Variants in PALLD observed in about 807,000 individuals in gnomAD.
The protein encoded by PALLD is palladin, cytoskeletal associated protein.
In PALLD, 61 loss-of-function variants were observed where a neutral mutation model predicts 123.5. That is an observed-to-expected ratio of 0.49 (90% CI 0.40 to 0.61). The LOEUF is 0.61. Among genes scored for constraint, PALLD ranks in the 20% least tolerant of loss-of-function variants. The pLI is 0.00. For synonymous variants in PALLD, 465 were observed against 496.4 expected (o/e 0.94, Z 0.84); for missense variants, 1,273 against 1,377.0 (o/e 0.92, Z 1.20).
chr4:168,818,469 G>A (rs1270413223), intron 10 of PALLD, among the ~76,000 whole-genome samples: 3 of 152,100 alleles, frequency 2.0e-5, no homozygotes, highest in Non-Finnish European at 4.4e-5. Context: ...ACGTGGCGGT[G>A]CACACCTGTA....
intron 6 of PALLD, among the ~76,000 whole-genome samples, chr4:168,689,832 TAG>T (rs1782452000): frequency 2.0e-5 from 3 of 151,964 alleles, no homozygotes; most frequent in African/African-American, 7.3e-5. Flanking sequence ...AGAAGGAGGG[TAG>T]AGAGAAGATA....
chr4:168,512,861 C>G (rs1762652661), intron 2 of PALLD, among the ~76,000 whole-genome samples: 2 of 151,908 alleles, frequency 1.3e-5, no homozygotes, highest in African/African-American at 4.8e-5. Flanking sequence ...TCAGATTAGC[C>G]CCCAATAACG....
At chr4:168,665,544 G>A (rs1013908813) in intron 2 of PALLD, among the ~76,000 whole-genome samples, 1 of 152,124 alleles carries the variant, frequency 6.6e-6, no homozygotes, top group Non-Finnish European at 1.5e-5. Flanking sequence ...GCCTGGGCGA[G>A]ACAGCGAGAC....
chr4:168,892,036 AATAGATTTGGTAAAATAT>A (rs981390599), intron 11 of PALLD, among the ~76,000 whole-genome samples: 1 of 152,254 alleles, frequency 6.6e-6, no homozygotes, highest in African/African-American at 2.4e-5. Context: ...AGAGTACCTA[AATAGATTTGGTAAAATAT>A]ATAGATAAGA....
chr4:168,765,511 C>T (rs1276661233), intron 10 of PALLD, among the ~76,000 whole-genome samples: 1 of 152,166 alleles, frequency 6.6e-6, no homozygotes, highest in Non-Finnish European at 1.5e-5. Flanking sequence ...GATATTACAT[C>T]CCACTGTCAC....
chr4:168,529,924 C>T (rs976667758), intron 2 of PALLD, among the ~76,000 whole-genome samples: 26 of 152,276 alleles, frequency 1.7e-4, no homozygotes, highest in Middle Eastern at 6.8e-3. Context: ...ACCCAGCCCC[C>T]GTACAATATG....
chr4:168,573,992 G>A (rs1486807541), intron 2 of PALLD, among the ~76,000 whole-genome samples: 2 of 149,860 alleles, frequency 1.3e-5, no homozygotes. Context: ...CTACATTTTT[G>A]GATGATCTGT....
chr4:168,806,990 C>T (rs1050531586), intron 10 of PALLD, among the ~76,000 whole-genome samples: 1 of 152,054 alleles, frequency 6.6e-6, no homozygotes, highest in African/African-American at 2.4e-5. Flanking sequence ...AACACGTGCC[C>T]GGAGCTGTGC....
At chr4:168,858,463 G>A (rs1283590224) in intron 10 of PALLD, among the ~76,000 whole-genome samples, 1 of 152,120 alleles carries the variant, frequency 6.6e-6, no homozygotes. Context: ...TCAAAAGATG[G>A]ATAACTAATA....
At chr4:168,713,930 G>C (rs1358775331) in intron 10 of PALLD, among the ~76,000 whole-genome samples, 1 of 137,776 alleles carries the variant, frequency 7.3e-6, no homozygotes, top group Non-Finnish European at 1.5e-5. Context: ...ACTTGTACTA[G>C]GTTTTCCCAT....
At chr4:168,718,185 C>T (rs540290020) in intron 10 of PALLD, among the ~76,000 whole-genome samples, 43 of 152,302 alleles carry the variant, frequency 2.8e-4, no homozygotes, top group Admixed American at 2.2e-3. Flanking sequence ...GTCCTTCAAC[C>T]TCTACTAGTT....
chr4:168,538,453 TA>T (rs900573796), intron 2 of PALLD, among the ~76,000 whole-genome samples: 74 of 151,450 alleles, frequency 4.9e-4, no homozygotes, highest in African/African-American at 1.8e-3. Flanking sequence ...TTAAATAAAA[TA>T]AAATAAAATA....
rs374250410 is a variant in PALLD, at chr4:168,894,611, A to G, written c.2133A>G (p.Arg711=). The G allele has an allele frequency of 2.5e-6, 4 of 1,613,430 alleles. No individual in the cohort carries two copies. The highest frequency in any genetic ancestry group is 2.2e-5 in the South Asian group (2 of 91,042). Residue 711 remains arginine (R), a synonymous_variant, in exon 12 of 22, where the codon CGA becomes CGG. Coordinates refer to ENST00000505667, the MANE Select transcript of PALLD (RefSeq NM_001166108.2). ...RLTYEERMAR[R]LLGADSATVF... is the part of the protein sequence containing the mutation. ...CATACGAAGAAAGAATGGCTCGTCG[A>G]CTGCTAGGTGCTGACAGTGCAACTG...
rs1487068611 is a variant in PALLD, at chr4:168,762,009, C to T, written c.1964+50086C>T. 4.6e-5 allele frequency among the ~76,000 whole-genome samples: 7 copies of T among 152,012 alleles called. No individual in the cohort carries two copies. In the South Asian group the frequency reaches 1.0e-3, roughly 23 times the overall value. ...ATTTATAAGGGAAGAAAAGAAAGGACGACAAGTCTATTTTTAGGGATCCAT... is the reference window on the plus strand; with the variant it reads ...ATTTATAAGGGAAGAAAAGAAAGGATGACAAGTCTATTTTTAGGGATCCAT... On this transcript the variant is annotated intron_variant, in intron 10 of 21. Coordinates refer to ENST00000505667, the MANE Select transcript of PALLD (RefSeq NM_001166108.2).
In PALLD at chr4:168,782,184, G is replaced by T. The variant is rs551917647; in HGVS notation, c.1964+70261G>T. Among the ~76,000 whole-genome samples, 116 of 152,338 alleles carry T rather than the reference G, an allele frequency of 7.6e-4. 1 individual carries two copies. The South Asian group carries it at 0.016, about 21-fold the overall frequency. ...GACACATTCAAAGATGCTGACTGCT[G>T]TGGAACACTGAGGCGCAACAGAACT... On this transcript the variant is annotated intron_variant, in intron 10 of 21. Coordinates refer to ENST00000505667, the MANE Select transcript of PALLD (RefSeq NM_001166108.2).
intron 2 of PALLD, among the ~76,000 whole-genome samples, chr4:168,663,263 C>T (rs1779298731): frequency 2.0e-5 from 3 of 152,310 alleles, no homozygotes; most frequent in South Asian, 4.1e-4. Context: ...GGGCATGCCA[C>T]ACCACAGGGG....
chr4:168,850,778 C>T (rs1044306970), intron 10 of PALLD, among the ~76,000 whole-genome samples: 4 of 151,780 alleles, frequency 2.6e-5, no homozygotes, highest in Non-Finnish European at 4.4e-5. Context: ...GTGATCCGCC[C>T]GCCTCGGCCT....
intron 2 of PALLD, among the ~76,000 whole-genome samples, chr4:168,616,928 A>T (rs575490749): frequency 4.3e-4 from 66 of 152,262 alleles, no homozygotes; most frequent in Non-Finnish European, 8.1e-4. Context: ...GGCCAGGCAC[A>T]ACTCTCTTAC....
At chr4:168,572,585 T>G (rs1267964995) in intron 2 of PALLD, among the ~76,000 whole-genome samples, 2 of 151,982 alleles carry the variant, frequency 1.3e-5, no homozygotes, top group South Asian at 2.1e-4. Context: ...AACACTTGAT[T>G]TGATATCCCC....
Sources: gnomAD v4.1 joint callset for allele counts (sites outside exome capture counted in the v4.1 genomes callset) on GRCh38, gnomAD v4.1.1 for gene constraint, MANE v1.5 for transcripts, NCBI Gene and HGNC (gene_info 2026-07-23, HGNC 2026-07-21) for gene names.